The following IQCM variants were observed in gnomAD, a reference collection of about 807,000 sequenced individuals.
IQCM encodes the protein IQ domain-containing protein M.
Under a neutral mutation model 57.6 loss-of-function variants are expected in IQCM, and 45 were observed. The observed-to-expected ratio is 0.78, with a 90% CI of 0.62 to 1.00. The LOEUF (loss-of-function observed/expected upper bound fraction) is 1.00, where lower values mean the gene tolerates loss of function less well. IQCM is among the 50% of genes least tolerant of loss of function. The pLI, the probability that IQCM is intolerant of heterozygous loss-of-function variation, is 0.00. For missense variants in IQCM, 468 were observed against 511.6 expected, an observed-to-expected ratio of 0.91 and a Z score of 0.82; for synonymous variants, 148 against 158.9, an observed-to-expected ratio of 0.93 and a Z score of 0.51.
intron 12 of IQCM, among the ~76,000 whole-genome samples, chr4:149,440,121 C>CTTTT (rs955416306): frequency 4.5e-5 from 4 of 88,022 alleles, no homozygotes; most frequent in Non-Finnish European, 7.1e-5. Context: ...CATGCCCGGC[C>CTTTT]TTTTTTTTTT....
Position 149,695,710 on chromosome 4 carries a change from A to G in IQCM, c.386-9242T>C, listed in dbSNP as rs756925610. Among the ~76,000 whole-genome samples, 26 of 152,274 alleles carry G rather than the reference A, an allele frequency of 1.7e-4. 1 individual carries two copies. Among genetic ancestry groups the G allele is most frequent in the Non-Finnish European group, 2.8e-4 (19 of 68,014 alleles). On this transcript the variant is annotated intron_variant, in intron 5 of 13. Transcript: ENST00000636793. ...CATAAGAGAGGGCAAATAATACATAATAGATGAGATAGGTTCCTGGCAGAA... is the reference window on the plus strand; with the variant it reads ...CATAAGAGAGGGCAAATAATACATAGTAGATGAGATAGGTTCCTGGCAGAA...
At position 149,758,916 on chromosome 4, in the gene IQCM, CT is replaced by C. The variant is rs199510038; in HGVS notation, c.-48-16178del. Among the ~76,000 whole-genome samples, 953 of 148,866 alleles carry C rather than the reference CT, an allele frequency of 6.4e-3. 9 individuals carry two copies. The highest frequency in any genetic ancestry group is 0.02 in the African/African-American group (826 of 40,504). ...TCAGTTCCTTACAAAACTAAACATG[CT>C]TTGACCATGTAATCCAGCTATAGCA... On this transcript the variant is annotated intron_variant, in intron 2 of 13. Transcript: ENST00000636793.
chr4:149,666,200 G>A (rs1760706281), intron 7 of IQCM: 1 of 152,360 alleles, frequency 6.6e-6, no homozygotes, highest in Non-Finnish European at 1.5e-5. Flanking sequence ...AATGCAGAAG[G>A]TGGGTGATTT....
chr4:149,599,914 T>C (rs1754118692), intron 8 of IQCM, among the ~76,000 whole-genome samples: 1 of 152,168 alleles, frequency 6.6e-6, no homozygotes, highest in Non-Finnish European at 1.5e-5. Flanking sequence ...TGAATTTCCA[T>C]TTTATAATTT....
intron 13 of IQCM, among the ~76,000 whole-genome samples, chr4:149,353,110 G>C (rs563999756): frequency 6.6e-6 from 1 of 152,110 alleles, no homozygotes; most frequent in South Asian, 2.1e-4. Context: ...ATTAAATTGG[G>C]CCACTTTAAA....
intron 13 of IQCM, among the ~76,000 whole-genome samples, chr4:149,369,034 G>C (rs1211544504): frequency 1.1e-5 from 1 of 92,696 alleles, no homozygotes; most frequent in Non-Finnish European, 2.2e-5. Flanking sequence ...ATATATACAT[G>C]TGTATATATA....
At chr4:149,354,925 T>G (rs1246669152) in intron 13 of IQCM, among the ~76,000 whole-genome samples, 3 of 152,156 alleles carry the variant, frequency 2.0e-5, no homozygotes, top group African/African-American at 7.2e-5. Context: ...GGTGCAGGTG[T>G]GAGAGTACAT....
intron 13 of IQCM, among the ~76,000 whole-genome samples, chr4:149,366,675 T>A (rs779437495): frequency 4.0e-5 from 6 of 151,826 alleles, no homozygotes; most frequent in Non-Finnish European, 5.9e-5. Flanking sequence ...CATGAAGAGC[T>A]ACACCAAGCC....
chr4:149,796,589 T>C (rs902094690), intron 2 of IQCM, among the ~76,000 whole-genome samples: 2 of 152,144 alleles, frequency 1.3e-5, no homozygotes, highest in Non-Finnish European at 2.9e-5. Context: ...AGGGAGTGAT[T>C]ACATCAGGCC....
intron 8 of IQCM, among the ~76,000 whole-genome samples, chr4:149,609,743 A>G (rs1235128776): frequency 6.6e-6 from 1 of 151,932 alleles, no homozygotes; most frequent in African/African-American, 2.4e-5. Context: ...CCTCAACATA[A>G]CAAAAGCCAT....
Position 149,621,123 on chromosome 4 carries a change from A to G in IQCM, c.681+6T>C, listed in dbSNP as rs757234298. ...CAAATCTACATCCAGTTTTATAAAT[A>G]CTTACAGAATAATAATCCCGAAATA... On this transcript the variant is annotated splice_donor_region_variant and intron_variant, in intron 8 of 13. Coordinates refer to ENST00000636793, the MANE Select transcript of IQCM (RefSeq NM_001363507.2). 1.5e-4 allele frequency: 172 copies of G among 1,183,582 alleles called. No individual in the cohort carries two copies. The highest frequency in any genetic ancestry group is 1.7e-4 in the Non-Finnish European group (157 of 943,816). 73.3% of individuals were successfully genotyped at this position (1,183,582 alleles called of 1,614,324 possible).
At chr4:149,510,238 CTG>C (rs1349840836) in intron 12 of IQCM, among the ~76,000 whole-genome samples, 5 of 152,106 alleles carry the variant, frequency 3.3e-5, no homozygotes, top group Non-Finnish European at 7.4e-5. Context: ...ACTGGTAAGA[CTG>C]AGCATGGTTA....
intron 12 of IQCM, among the ~76,000 whole-genome samples, chr4:149,488,603 C>T (rs974805281): frequency 8.5e-5 from 13 of 152,180 alleles, no homozygotes; most frequent in Non-Finnish European, 1.9e-4. Context: ...CGATTACAGA[C>T]TACATTGAAA....
At chr4:149,572,299 A>T (rs1306448131) in intron 9 of IQCM, among the ~76,000 whole-genome samples, 1 of 151,302 alleles carries the variant, frequency 6.6e-6, no homozygotes. Flanking sequence ...TTTTTATTTT[A>T]TTTTAGAAAC....
chr4:149,606,110 T>C (rs1754753313), intron 8 of IQCM, among the ~76,000 whole-genome samples: 1 of 152,154 alleles, frequency 6.6e-6, no homozygotes. Context: ...CAGTATTTGC[T>C]GTGGGCCTTG....
chr4:149,769,310 C>G (rs567615281), intron 2 of IQCM, among the ~76,000 whole-genome samples: 2 of 152,090 alleles, frequency 1.3e-5, no homozygotes, highest in African/African-American at 4.8e-5. Flanking sequence ...ATATCCGCCC[C>G]CAAGGTAGTC....
intron 13 of IQCM, among the ~76,000 whole-genome samples, chr4:149,422,459 C>T (rs1049670338): frequency 1.3e-5 from 2 of 151,824 alleles, no homozygotes; most frequent in South Asian, 2.1e-4. Context: ...AGAAAATATA[C>T]AAAGGGCAAA....
intron 5 of IQCM, among the ~76,000 whole-genome samples, chr4:149,703,998 G>A (rs1433230678): frequency 1.3e-5 from 2 of 151,826 alleles, no homozygotes; most frequent in South Asian, 2.1e-4. Flanking sequence ...TATGGTCTTT[G>A]TGAAAAGTGT....
intron 13 of IQCM, among the ~76,000 whole-genome samples, chr4:149,379,015 T>C (rs1483222654): frequency 6.6e-6 from 1 of 152,198 alleles, no homozygotes; most frequent in African/African-American, 2.4e-5. Flanking sequence ...GCTTGGGCCA[T>C]GGCTTCAGAG....
Sources: allele counts gnomAD v4.1 joint callset (sites outside exome capture counted in the v4.1 genomes callset), GRCh38; gene constraint gnomAD v4.1.1; transcripts MANE v1.5; gene names NCBI Gene and HGNC (gene_info 2026-07-23, HGNC 2026-07-21).